SUGCT: variants seen among roughly 807,000 people sequenced by gnomAD.
SUGCT encodes the protein succinyl-CoA:glutarate CoA-transferase.
A neutral mutation model predicts 55.0 loss-of-function variants in SUGCT; 41 were observed. The observed-to-expected ratio is 0.74, with a 90% CI of 0.58 to 0.97. The LOEUF is 0.97. SUGCT is among the 50% of genes least tolerant of loss of function. The pLI, the probability that SUGCT is intolerant of heterozygous loss-of-function variation, is 0.00. For missense variants in SUGCT, 568 were observed against 547.8 expected (o/e 1.04, Z -0.37); for synonymous variants, 187 against 200.4 (o/e 0.93, Z 0.56).
intron 12 of SUGCT, among the ~76,000 whole-genome samples, chr7:40,617,287 A>G (rs923028887): frequency 6.6e-6 from 1 of 152,202 alleles, no homozygotes; most frequent in African/African-American, 2.4e-5. Flanking sequence ...TTGAGAGGTC[A>G]TCCAGTCCTA....
chr7:40,952,016 TTC>T, the SUGCT span, among the ~76,000 whole-genome samples: 1 of 152,196 alleles, frequency 6.6e-6, no homozygotes, highest in Non-Finnish European at 1.5e-5. Flanking sequence ...CTTGTCCATT[TTC>T]TGTCTTGTTG....
intron 12 of SUGCT, among the ~76,000 whole-genome samples, chr7:40,572,181 A>G (rs1193796259): frequency 1.3e-5 from 2 of 152,096 alleles, no homozygotes; most frequent in Non-Finnish European, 2.9e-5. Flanking sequence ...CTGGCTTTCC[A>G]GGAGGAAAGC....
intron 11 of SUGCT, among the ~76,000 whole-genome samples, chr7:40,459,953 T>G (rs1162287377): frequency 6.6e-6 from 1 of 152,200 alleles, no homozygotes; most frequent in Non-Finnish European, 1.5e-5. Context: ...CTTTGTGGCT[T>G]TTGTGGATCT....
intron 12 of SUGCT, among the ~76,000 whole-genome samples, chr7:40,612,371 G>T (rs750684749): frequency 6.6e-6 from 1 of 152,084 alleles, no homozygotes; most frequent in Non-Finnish European, 1.5e-5. Flanking sequence ...ATACTTGCTC[G>T]CAGGCCCTTA....
At chr7:40,669,346 CA>C (rs33947436) in intron 12 of SUGCT, among the ~76,000 whole-genome samples, 6,092 of 90,528 alleles carry the variant, frequency 0.067, 219 homozygotes, top group African/African-American at 0.16. Flanking sequence ...GTGTAAGCTT[CA>C]AAAAAAAAAA....
chr7:40,922,429 G>T, the SUGCT span, among the ~76,000 whole-genome samples: 1 of 152,170 alleles, frequency 6.6e-6, no homozygotes, highest in Non-Finnish European at 1.5e-5. Flanking sequence ...GGTGGCTCTT[G>T]CAGTCTGCCT....
chr7:40,983,225 C>T, the SUGCT span, among the ~76,000 whole-genome samples: 10 of 152,244 alleles, frequency 6.6e-5, no homozygotes, highest in South Asian at 8.3e-4. Context: ...CAGTTTTCTA[C>T]GATGGTTGGT....
intron 12 of SUGCT, among the ~76,000 whole-genome samples, chr7:40,664,824 C>T (rs1018404402): frequency 6.6e-6 from 1 of 151,540 alleles, no homozygotes; most frequent in African/African-American, 2.4e-5. Flanking sequence ...ATTAAAAATA[C>T]AAAAAATTAG....
chr7:40,980,664 A>G, the SUGCT span, among the ~76,000 whole-genome samples: 1 of 152,190 alleles, frequency 6.6e-6, no homozygotes, highest in African/African-American at 2.4e-5. Context: ...AGAGGTGAGT[A>G]GTCCTAAGCA....
the SUGCT span, among the ~76,000 whole-genome samples, chr7:40,953,253 A>G: frequency 1.3e-5 from 2 of 152,228 alleles, no homozygotes; most frequent in Non-Finnish European, 2.9e-5. Flanking sequence ...TCGGCTACTG[A>G]AGCTTGTGCA....
At chr7:40,407,395 A>G (rs1441089719) in intron 9 of SUGCT, among the ~76,000 whole-genome samples, 1 of 152,102 alleles carries the variant, frequency 6.6e-6, no homozygotes, top group Non-Finnish European at 1.5e-5. Context: ...ATCTGAAATT[A>G]ATGTAAATAT....
At chr7:40,415,217 C>T (rs1353533822) in intron 9 of SUGCT, among the ~76,000 whole-genome samples, 1 of 148,852 alleles carries the variant, frequency 6.7e-6, no homozygotes, top group African/African-American at 2.5e-5. Flanking sequence ...TTGCAATGAG[C>T]CTCAATGGTG....
At chr7:40,716,791 A>G (rs1047698306) in intron 12 of SUGCT, among the ~76,000 whole-genome samples, 2 of 152,154 alleles carry the variant, frequency 1.3e-5, no homozygotes, top group Admixed American at 6.5e-5. Context: ...ACCACAGTAT[A>G]TAAACGCAGA....
intron 13 of SUGCT, among the ~76,000 whole-genome samples, chr7:40,814,404 T>C (rs1200861361): frequency 1.3e-5 from 2 of 152,078 alleles, no homozygotes; most frequent in Admixed American, 1.3e-4. Context: ...TAAAATTATT[T>C]TTTTCTTTAT....
At chr7:40,435,036 G>A (rs1161792268) in intron 9 of SUGCT, among the ~76,000 whole-genome samples, 1 of 152,130 alleles carries the variant, frequency 6.6e-6, no homozygotes, top group Non-Finnish European at 1.5e-5. Context: ...TGTTTTGAGA[G>A]TCTGTATACT....
chr7:40,383,855 G>A (rs1431943620), intron 9 of SUGCT, among the ~76,000 whole-genome samples: 1 of 152,160 alleles, frequency 6.6e-6, no homozygotes, highest in Non-Finnish European at 1.5e-5. Flanking sequence ...AAGTTGTAAT[G>A]CATGTCTTAA....
chr7:40,826,263 C>G, intron 13 of SUGCT, among the ~76,000 whole-genome samples: 1 of 152,148 alleles, frequency 6.6e-6, no homozygotes, highest in South Asian at 2.1e-4. Context: ...TCAACTGATA[C>G]ACTATCTTCA....
chr7:40,686,284 G>T (rs1398940885), intron 12 of SUGCT, among the ~76,000 whole-genome samples: 1 of 152,130 alleles, frequency 6.6e-6, no homozygotes, highest in Non-Finnish European at 1.5e-5. Flanking sequence ...AGTAGCTTGT[G>T]ACCTTGAGCA....
At chr7:40,211,277 G>A (rs754366067) in intron 6 of SUGCT, among the ~76,000 whole-genome samples, 2 of 152,182 alleles carry the variant, frequency 1.3e-5, no homozygotes, top group Admixed American at 6.5e-5. Flanking sequence ...GCAATGGCAC[G>A]ATCTTGGCTC....
Sources: gnomAD v4.1 joint callset for allele counts (sites outside exome capture counted in the v4.1 genomes callset) on GRCh38, gnomAD v4.1.1 for gene constraint, MANE v1.5 for transcripts, NCBI Gene and HGNC (gene_info 2026-07-23, HGNC 2026-07-21) for gene names.